FBXO11: variants seen among roughly 807,000 people sequenced by gnomAD.
FBXO11 encodes F-box protein 11, also known as F-box only protein 11.
FBXO11 carries 13 observed loss-of-function variants against 117.0 expected under a neutral mutation model. The ratio of observed to expected loss-of-function variants is 0.11; its 90% confidence interval spans 0.07 to 0.18. The LOEUF (loss-of-function observed/expected upper bound fraction) is 0.18, where lower values mean the gene tolerates loss of function less well. Among genes scored for constraint, FBXO11 ranks in the 10% least tolerant of loss-of-function variants. The probability of loss-of-function intolerance (pLI) is 1.00; values close to 1 mark genes in which losing one functional copy is unlikely to be tolerated. For synonymous variants in FBXO11, 490 were observed against 380.5 expected (o/e 1.29, Z -3.35); for missense variants, 767 against 1,164.4 (o/e 0.66, Z 4.97).
At chr2:47,901,719 C>T (rs1201127431) in intron 1 of FBXO11, among the ~76,000 whole-genome samples, 1 of 152,090 alleles carries the variant, frequency 6.6e-6, no homozygotes, top group Non-Finnish European at 1.5e-5. Flanking sequence ...TGAGAACACA[C>T]AGCACTTCTG....
At chr2:47,849,263 A>G (rs1673660108) in intron 1 of FBXO11, among the ~76,000 whole-genome samples, 2 of 152,270 alleles carry the variant, frequency 1.3e-5, no homozygotes, top group African/African-American at 4.8e-5. Context: ...AAGTAAAGTT[A>G]TAATTAAAAA....
intron 1 of FBXO11, among the ~76,000 whole-genome samples, chr2:47,840,497 C>T (rs1672935552): frequency 6.7e-6 from 1 of 148,610 alleles, no homozygotes; most frequent in Admixed American, 6.8e-5. Flanking sequence ...GTCACCCAGG[C>T]TGGAGTGCAG....
intron 4 of FBXO11, among the ~76,000 whole-genome samples, chr2:47,838,323 C>T (rs1359311847): frequency 6.6e-6 from 1 of 152,130 alleles, no homozygotes; most frequent in African/African-American, 2.4e-5. Flanking sequence ...TTATGTAGTT[C>T]ATTCCCTTAA....
chr2:47,897,607 G>A (rs1032068090), intron 1 of FBXO11, among the ~76,000 whole-genome samples: 11 of 143,026 alleles, frequency 7.7e-5, no homozygotes, highest in African/African-American at 2.6e-4. Context: ...TGAGGCAGGA[G>A]AATCACTTGA....
chr2:47,895,471 C>G (rs1677586236), intron 1 of FBXO11, among the ~76,000 whole-genome samples: 1 of 152,116 alleles, frequency 6.6e-6, no homozygotes, highest in African/African-American at 2.4e-5. Context: ...TCCAAGCAAT[C>G]AGAAAGATGG....
At chr2:47,894,813 A>G (rs1558480902) in intron 1 of FBXO11, among the ~76,000 whole-genome samples, 1 of 152,202 alleles carries the variant, frequency 6.6e-6, no homozygotes, top group Non-Finnish European at 1.5e-5. Flanking sequence ...ATAACCCAAC[A>G]TATTTTAATA....
intron 1 of FBXO11, among the ~76,000 whole-genome samples, chr2:47,843,988 G>A (rs1363640012): frequency 6.6e-6 from 1 of 152,084 alleles, no homozygotes; most frequent in Admixed American, 6.5e-5. Context: ...GTATCTGCCT[G>A]CCTCAGCCTC....
chr2:47,849,286 G>C (rs992336037), intron 1 of FBXO11, among the ~76,000 whole-genome samples: 1 of 152,088 alleles, frequency 6.6e-6, no homozygotes, highest in South Asian at 2.1e-4. Flanking sequence ...CTTTTTAAAA[G>C]CTTGACTTGC....
rs142541866 is a variant in FBXO11, at chr2:47,893,048, C to G, written c.232+12441G>C. 3.8e-3 allele frequency among the ~76,000 whole-genome samples: 582 copies of G among 151,836 alleles called. 3 individuals are homozygous for G. The highest frequency in any genetic ancestry group is 0.013 in the African/African-American group (528 of 41,410). On this transcript the variant is annotated intron_variant, in intron 1 of 22. Transcript: ENST00000403359. ...CACGTGCCTGTAATCCCAGCTAATC[C>G]GGAGGCTGAGGCACAAGAACTGCTT... is the stretch of plus-strand genomic sequence containing the variant.
Position 47,839,131 on chromosome 2 carries a change from G to C in FBXO11, c.443-128C>G. 1.1e-5 allele frequency: 10 copies of C among 890,626 alleles called. No homozygotes were observed. The South Asian group carries it at 2.1e-4, about 18-fold the overall frequency. 55.2% of individuals were successfully genotyped at this position (890,626 alleles called of 1,614,324 possible). A position where few individuals can be genotyped will look rare whatever the true frequency, so the allele number is the denominator to read the frequency against. On this transcript the variant is annotated intron_variant, in intron 3 of 22. Transcript: ENST00000403359. ...GATAATGGTCATTTTATAAGCATGT[G>C]GGTTTCATGGGTAACACATATTTAT...
At chr2:47,843,232 C>G (rs1673146996) in intron 1 of FBXO11, among the ~76,000 whole-genome samples, 1 of 152,136 alleles carries the variant, frequency 6.6e-6, no homozygotes, top group Non-Finnish European at 1.5e-5. Flanking sequence ...AGTAAACGTC[C>G]TATGTGTGCT....
chr2:47,855,755 C>T, intron 1 of FBXO11, among the ~76,000 whole-genome samples: 1 of 151,766 alleles, frequency 6.6e-6, no homozygotes, highest in Middle Eastern at 3.2e-3. Context: ...TTGCTTGAAC[C>T]TGGGAGGCAG....
Position 47,875,709 on chromosome 2 carries a change from C to CT in FBXO11, c.232+29779dup, listed in dbSNP as rs373487210. ...TTTCTCTTTGTTCTTTGGTAGATCT[C>CT]TAAGAATACAAGTCATAATATCTAC... is the stretch of plus-strand genomic sequence containing the variant. On this transcript the variant is annotated intron_variant, in intron 1 of 22. Coordinates refer to ENST00000403359, the MANE Select transcript of FBXO11 (RefSeq NM_001190274.2). 6.3e-3 allele frequency among the ~76,000 whole-genome samples: 966 copies of CT among 152,162 alleles called. 8 individuals carry two copies. The highest frequency in any genetic ancestry group is 0.022 in the African/African-American group (923 of 41,520).
At chr2:47,881,795 G>C (rs1450260465) in intron 1 of FBXO11, among the ~76,000 whole-genome samples, 5 of 152,012 alleles carry the variant, frequency 3.3e-5, no homozygotes, top group Non-Finnish European at 7.4e-5. Context: ...ACCCAGGCTG[G>C]AGTGCAGTGG....
At chr2:47,882,636 T>C (rs1350786454) in intron 1 of FBXO11, among the ~76,000 whole-genome samples, 1 of 152,168 alleles carries the variant, frequency 6.6e-6, no homozygotes, top group East Asian at 1.9e-4. Flanking sequence ...TTGTGCTCCT[T>C]CTTATTTCAT....
chr2:47,881,501 C>G (rs1364118437), intron 1 of FBXO11, among the ~76,000 whole-genome samples: 1 of 152,100 alleles, frequency 6.6e-6, no homozygotes, highest in Non-Finnish European at 1.5e-5. Context: ...TCCCATTACC[C>G]TATTTAATCA....
chr2:47,900,715 TACACGTATAC>T (rs1174261915), intron 1 of FBXO11, among the ~76,000 whole-genome samples: 4 of 93,952 alleles, frequency 4.3e-5, no homozygotes, highest in African/African-American at 1.6e-4. Flanking sequence ...TGTATATATA[TACACGTATAC>T]ACACACGTGT....
intron 1 of FBXO11, among the ~76,000 whole-genome samples, chr2:47,879,908 C>G (rs910927363): frequency 1.3e-5 from 2 of 152,018 alleles, no homozygotes; most frequent in Admixed American, 1.3e-4. Flanking sequence ...CAAGGTTCAT[C>G]TACGGTTGTA....
Position 47,905,636 on chromosome 2 carries a change from G to C in FBXO11, c.85C>G (p.Gln29Glu). ...PVQQQQQQPP[Q>E]QPPPQPPQQQ... ...TGGGGCGGCTGCGGCGGCGGCTGCT[G>C]CGGGGGCTGCTGCTGCTGTTGCTGC... Residue 29 changes from glutamine to glutamate, a missense_variant, in exon 1 of 23, where the codon CAG becomes GAG. Coordinates refer to ENST00000403359, the MANE Select transcript of FBXO11 (RefSeq NM_001190274.2). 1 of 1,424,554 alleles carries C rather than the reference G, an allele frequency of 7.0e-7. No individual in the cohort carries two copies. 88.2% of individuals were successfully genotyped at this position (1,424,554 alleles called of 1,614,324 possible).
Sources: allele counts gnomAD v4.1 joint callset (sites outside exome capture counted in the v4.1 genomes callset), GRCh38; gene constraint gnomAD v4.1.1; transcripts MANE v1.5; gene names NCBI Gene and HGNC (gene_info 2026-07-23, HGNC 2026-07-21).